FYCO1: variants seen among roughly 807,000 people sequenced by gnomAD.
FYCO1 encodes FYVE and coiled-coil domain autophagy adaptor 1.
FYCO1 carries 122 observed loss-of-function variants against 165.1 expected under a neutral mutation model. The ratio of observed to expected loss-of-function variants is 0.74; its 90% CI spans 0.64 to 0.86. The LOEUF (loss-of-function observed/expected upper bound fraction) is 0.86, where lower values mean the gene tolerates loss of function less well. Among genes scored for constraint, FYCO1 ranks in the 40% least tolerant of loss-of-function variants. The pLI is 0.00. For missense variants in FYCO1, 1,702 were observed against 1,810.3 expected (o/e 0.94, Z 1.09); for synonymous variants, 648 against 742.5 (o/e 0.87, Z 2.07).
At position 45,984,844 on chromosome 3, in the gene FYCO1, A is replaced by G. The variant is rs758401718; in HGVS notation, c.55+12T>C. The G allele has an allele frequency of 1.2e-6, 2 of 1,614,172 alleles. No individual in the cohort carries two copies. The highest frequency in any genetic ancestry group is 2.2e-5 in the South Asian group (2 of 91,086). ...CAAAACCAAACTCAGCCTGCCCAGC[A>G]ACCTACCATACCTTGCAAGTCTCGG... On this transcript the variant is annotated intron_variant, in intron 2 of 17. Coordinates refer to ENST00000296137, the MANE Select transcript of FYCO1 (RefSeq NM_024513.4).
At chr3:45,938,913 G>T (rs550203592) in intron 14 of FYCO1, among the ~76,000 whole-genome samples, 1 of 152,242 alleles carries the variant, frequency 6.6e-6, no homozygotes, top group Non-Finnish European at 1.5e-5. Flanking sequence ...GTCAAGGGAT[G>T]TAAGAGCTTG....
At position 45,968,373 on chromosome 3, in the gene FYCO1, C is replaced by A. The variant is rs1373697824; in HGVS notation, c.961G>T (p.Gly321Cys). ...TVKELQTCLQ[G>C]LELGAAEKEE... Reference sequence around the variant, plus strand: ...TTCTCTGCTGCTCCTAGCTCCAGGCCCTGCAGGCATGTCTGCAGCTCCTTC... The same window carrying A: ...TTCTCTGCTGCTCCTAGCTCCAGGCACTGCAGGCATGTCTGCAGCTCCTTC... Residue 321 changes from glycine to cysteine, a missense_variant, in exon 8 of 18, where the codon GGC (glycine) becomes TGC (cysteine). Physicochemically the swap from Gly to Cys is radical, Grantham distance 159 (BLOSUM62 -3). Coordinates refer to ENST00000296137, the MANE Select transcript of FYCO1 (RefSeq NM_024513.4). 6.2e-7 allele frequency: 1 copy of A among 1,613,542 alleles called. No homozygotes were observed. The highest frequency in any genetic ancestry group is 1.1e-5 in the South Asian group (1 of 91,058).
chr3:45,980,672 CTACG>C (rs1350145689), intron 3 of FYCO1, among the ~76,000 whole-genome samples: 5 of 152,220 alleles, frequency 3.3e-5, no homozygotes, highest in Non-Finnish European at 5.9e-5. Context: ...GGCCCGCATA[CTACG>C]TGCTTTGGTG....
chr3:45,947,847 G>A (rs765322154), intron 14 of FYCO1: 4 of 278,206 alleles, frequency 1.4e-5, no homozygotes, highest in African/African-American at 2.2e-5. Flanking sequence ...AGGTGAGCAC[G>A]GCCAACAAAG....
At position 45,968,555 on chromosome 3, in the gene FYCO1, TTC is replaced by T; in HGVS notation, c.777_778del (p.Asn260ProfsTer37). Reference sequence around the variant, plus strand: ...GCTGACAGCTGCCCTCAGCTCCTGGTTCTCTCTGTCCAGCTGCTGCATGCGCT... The same window carrying T: ...GCTGACAGCTGCCCTCAGCTCCTGGTTCTCTGTCCAGCTGCTGCATGCGCT... On this transcript the variant is annotated frameshift_variant, in exon 8 of 18. Transcript: ENST00000296137. LOFTEE classifies it high-confidence loss of function. 1 of 1,614,024 alleles carries T rather than the reference TTC, an allele frequency of 6.2e-7. No homozygotes were observed. The highest frequency in any genetic ancestry group is 8.5e-7 in the Non-Finnish European group (1 of 1,180,022).
At chr3:45,970,885 A>C (rs1436059224) in intron 6 of FYCO1, among the ~76,000 whole-genome samples, 3 of 126,770 alleles carry the variant, frequency 2.4e-5, no homozygotes, top group East Asian at 3.9e-4. Context: ...AAATAAAACT[A>C]TATATATATA....
chr3:45,935,473 C>T (rs577745731), intron 15 of FYCO1, among the ~76,000 whole-genome samples: 4 of 152,308 alleles, frequency 2.6e-5, no homozygotes, highest in East Asian at 1.9e-4. Context: ...GCTGCAGGCA[C>T]GCTGGCCCTT....
intron 1 of FYCO1, among the ~76,000 whole-genome samples, chr3:45,990,896 G>A (rs1846615): frequency 6.6e-6 from 1 of 151,782 alleles, no homozygotes; most frequent in Non-Finnish European, 1.5e-5. Context: ...CCTCAGCCTC[G>A]TGAGTAGCTG....
intron 14 of FYCO1, among the ~76,000 whole-genome samples, chr3:45,942,525 G>T (rs1358162432): frequency 6.6e-6 from 1 of 152,172 alleles, no homozygotes; most frequent in Non-Finnish European, 1.5e-5. Context: ...GCCAGAGAAG[G>T]CAGGCCAGGC....
Position 45,967,326 on chromosome 3 carries a change from T to C in FYCO1, c.2008A>G (p.Ile670Val), listed in dbSNP as rs1484628022. 1 of 1,612,096 alleles carries C rather than the reference T, an allele frequency of 6.2e-7. No individual in the cohort carries two copies. Residue 670 changes from isoleucine (I) to valine (V), a missense_variant, in exon 8 of 18, where the codon ATC (isoleucine) becomes GTC (valine). By Grantham distance (29) the Ile-to-Val change is conservative (BLOSUM62 3). Transcript: ENST00000296137. Reference sequence around the variant, plus strand: ...TCCATCTGGTCACCCAAGTGCCGGATGCTGGCCTGCTCGGCCTCCAGGGAG... The same window carrying C: ...TCCATCTGGTCACCCAAGTGCCGGACGCTGGCCTGCTCGGCCTCCAGGGAG... ...LASLEAEQAS[I>V]RHLGDQMEAS...
At position 45,925,233 on chromosome 3, in the gene FYCO1, A is replaced by T. The variant is rs1275180027; in HGVS notation, c.4252-1468T>A. 5.5e-5 allele frequency among the ~76,000 whole-genome samples: 8 copies of T among 144,422 alleles called. No homozygotes were observed. The East Asian group carries it at 1.0e-3, about 18-fold the overall frequency. The allele number at this position is 144,422 out of a possible 152,430, so 94.7% of individuals were successfully genotyped here. A position where few individuals can be genotyped will look rare whatever the true frequency, so the allele number is the denominator to read the frequency against. Reference sequence around the variant, plus strand: ...GTGAGCCACGGCGCCCAGCCCTTACATTTTTTTTTTTTTTTAAGAAGTGAC... The same window carrying T: ...GTGAGCCACGGCGCCCAGCCCTTACTTTTTTTTTTTTTTTTAAGAAGTGAC... On this transcript the variant is annotated intron_variant, in intron 16 of 17. Transcript: ENST00000296137.
chr3:45,951,805 C>T (rs1380742370), intron 14 of FYCO1, among the ~76,000 whole-genome samples: 2 of 152,154 alleles, frequency 1.3e-5, no homozygotes, highest in Non-Finnish European at 2.9e-5. Flanking sequence ...TAGGGAGTCC[C>T]AGCATCAGGC....
rs542105533 is a variant in FYCO1 at position 45,955,367 on chromosome 3, C to T, written c.3826G>A (p.Asp1276Asn). The change falls in exon 14 of 18, where the codon GAC becomes AAC. Residue 1276 changes from aspartate (D) to asparagine (N), a missense_variant. Coordinates refer to ENST00000296137, the MANE Select transcript of FYCO1 (RefSeq NM_024513.4). The stretch of plus-strand genomic sequence containing the variant: ...GTGATGATATCAAACACAGCGTCGT[C>T]CGGTGGCCTGTAGTCTGTATTTGCT... Reference protein sequence around the residue: ...QGANTDYRPPDDAVFDIITDE... With the variant: ...QGANTDYRPPNDAVFDIITDE... 295 of 1,614,184 alleles carry T rather than the reference C, an allele frequency of 1.8e-4. 5 individuals are homozygous for T. In the South Asian group the frequency reaches 3.2e-3, roughly 17 times the overall value.
chr3:45,962,493 C>G lies in FYCO1; in HGVS notation c.3270-101G>C, dbSNP rs56029015. The stretch of plus-strand genomic sequence containing the variant: ...TCTAATGAGGGGTGCTACTGCCCTC[C>G]GCCATGGGGGAGCCCCTTGGTATCT... On this transcript the variant is annotated intron_variant, in intron 10 of 17. Transcript: ENST00000296137. The surrounding 1 kb of genome is among the most constrained non-coding windows in gnomAD (Gnocchi z 4.4). 9.4e-7 allele frequency: 1 copy of G among 1,066,998 alleles called. No individual in the cohort carries two copies. The highest frequency in any genetic ancestry group is 1.5e-6 in the Non-Finnish European group (1 of 684,002). The allele number at this position is 1,066,998 out of a possible 1,614,324, so 66.1% of individuals were successfully genotyped here. A position where few individuals can be genotyped will look rare whatever the true frequency, so the allele number is the denominator to read the frequency against.
At chr3:45,948,496 ATGACCC>A (rs1704786082) in intron 14 of FYCO1, 1 of 152,310 alleles carries the variant, frequency 6.6e-6, no homozygotes, top group Admixed American at 6.5e-5. Context: ...ACCAGTGATA[ATGACCC>A]TGCTCTTTCA....
intron 8 of FYCO1, among the ~76,000 whole-genome samples, chr3:45,965,413 TCTGTGGCACTG>T (rs1705954247): frequency 6.6e-6 from 1 of 152,146 alleles, no homozygotes; most frequent in African/African-American, 2.4e-5. Context: ...GGGAGGCACA[TCTGTGGCACTG>T]CGGTGGAGCT....
At chr3:45,934,452 A>T (rs538995086) in intron 15 of FYCO1, among the ~76,000 whole-genome samples, 1 of 152,384 alleles carries the variant, frequency 6.6e-6, no homozygotes, top group South Asian at 2.1e-4. Flanking sequence ...GGGATTTCTC[A>T]TCTAAAACCA....
At chr3:45,924,134 G>A (rs898249025) in intron 16 of FYCO1, among the ~76,000 whole-genome samples, 1 of 152,144 alleles carries the variant, frequency 6.6e-6, no homozygotes, top group African/African-American at 2.4e-5. Flanking sequence ...GTCTCCTGTT[G>A]GTCCTGGTGC....
intron 1 of FYCO1, among the ~76,000 whole-genome samples, chr3:45,985,269 C>T (rs561742783): frequency 6.6e-6 from 1 of 152,308 alleles, no homozygotes; most frequent in South Asian, 2.1e-4. Context: ...ATATTGCAGC[C>T]TATCTTTTTG....
Sources: gnomAD v4.1 joint callset for allele counts (sites outside exome capture counted in the v4.1 genomes callset) on GRCh38, gnomAD v4.1.1 for gene constraint, Gnocchi (gnomAD v3.1) non-coding constraint, MANE v1.5 for transcripts, NCBI Gene and HGNC (gene_info 2026-07-23, HGNC 2026-07-21) for gene names.